CPSF3: variants seen among roughly 807,000 people sequenced by gnomAD.
CPSF3 encodes the protein cleavage and polyadenylation specific factor 3, also known as cleavage and polyadenylation specificity factor subunit 3.
Under a neutral mutation model 84.1 loss-of-function variants are expected in CPSF3, and 57 were observed. The ratio of observed to expected loss-of-function variants is 0.68; its 90% CI spans 0.55 to 0.85. The LOEUF (loss-of-function observed/expected upper bound fraction) is 0.85, where lower values mean the gene tolerates loss of function less well. Ranked by LOEUF, CPSF3 falls within the 40% of genes least tolerant of loss-of-function variation. The pLI is 0.00. For synonymous variants in CPSF3, 275 were observed against 278.1 expected (o/e 0.99, Z 0.11); for missense variants, 522 against 838.8 (o/e 0.62, Z 4.66).
At position 9,448,351 on chromosome 2, in the gene CPSF3, G is replaced by A. The variant is rs1278237014; in HGVS notation, c.1395+1G>A. 4.3e-6 allele frequency: 7 copies of A among 1,609,494 alleles called. No homozygotes were observed. Among genetic ancestry groups the A allele is most frequent in the Non-Finnish European group, 5.1e-6 (6 of 1,177,666 alleles). On this transcript the variant is annotated splice_donor_variant, in intron 11 of 17. Coordinates refer to ENST00000238112, the MANE Select transcript of CPSF3 (RefSeq NM_016207.4). LOFTEE classifies it high-confidence loss of function. ...CTTCAGAGGAGAAAAACTAGCCAAG[G>A]TAAAAGGTTATGGTTCCTGTCTGTC...
intron 15 of CPSF3, among the ~76,000 whole-genome samples, chr2:9,466,342 G>GAC (rs56758438): frequency 1.2e-3 from 110 of 89,176 alleles, no homozygotes; most frequent in African/African-American, 3.1e-3. Context: ...ACGCACACAC[G>GAC]CGCGCGCGCG....
chr2:9,469,441 CAAG>C lies in CPSF3; in HGVS notation c.1856+1668_1856+1670del, dbSNP rs1280544487. ...GGCGGCCCTGTTCCCTGGGGCTCTA[CAAG>C]AATAGAAAACCCGTGTGGCCCTGGA... is the stretch of plus-strand genomic sequence containing the variant. On this transcript the variant is annotated intron_variant, in intron 16 of 17. Transcript: ENST00000238112. Among the ~76,000 whole-genome samples, 6 of 152,268 alleles carry C rather than the reference CAAG, an allele frequency of 3.9e-5. No homozygotes were observed. The South Asian group carries it at 1.2e-3, about 32-fold the overall frequency.
intron 15 of CPSF3, among the ~76,000 whole-genome samples, chr2:9,467,031 A>G (rs1447233273): frequency 6.6e-6 from 1 of 152,220 alleles, no homozygotes; most frequent in African/African-American, 2.4e-5. Context: ...ACCTAGGAGT[A>G]GAATTACTAG....
Position 9,472,996 on chromosome 2 carries a change from G to A in CPSF3, c.2034G>A (p.Glu678=), listed in dbSNP as rs761872236. The change falls in exon 18 of 18, where the codon GAG becomes GAA. Residue 678 remains glutamate (E), a synonymous_variant. Transcript: ENST00000238112. ...AGCTGGCTGCACAGAGACTGTACGAGGCCCTGACGCCAGTTCACTGAGACT... is the reference window on the plus strand; with the variant it reads ...AGCTGGCTGCACAGAGACTGTACGAAGCCCTGACGCCAGTTCACTGAGACT... ...MVELAAQRLY[E]ALTPVH 1.2e-6 allele frequency: 2 copies of A among 1,613,442 alleles called. No individual in the cohort carries two copies. The highest frequency in any genetic ancestry group is 3.3e-5 in the Admixed American group (2 of 59,978).
intron 3 of CPSF3, 54 bp downstream of exon 3, chr2:9,430,074 T>C: frequency 9.4e-7 from 1 of 1,058,690 alleles, no homozygotes. Flanking sequence ...ACTATCAAGA[T>C]CATTCTTTAC....
At chr2:9,466,332 A>ATG (rs1681952717) in intron 15 of CPSF3, among the ~76,000 whole-genome samples, 1 of 120,556 alleles carries the variant, frequency 8.3e-6, no homozygotes, top group Non-Finnish European at 1.8e-5. Flanking sequence ...ACACAGACGC[A>ATG]CGCACACACG....
intron 16 of CPSF3, among the ~76,000 whole-genome samples, chr2:9,469,083 G>A (rs1682073811): frequency 6.6e-6 from 1 of 152,136 alleles, no homozygotes. Flanking sequence ...AACAGTGCAG[G>A]CACAGTGATT....
intron 11 of CPSF3, among the ~76,000 whole-genome samples, chr2:9,449,166 G>A (rs920250839): frequency 6.6e-6 from 1 of 150,972 alleles, no homozygotes; most frequent in Non-Finnish European, 1.5e-5. Flanking sequence ...ATCACTTGAG[G>A]TCAGGAGTTG....
At chr2:9,450,130 T>G (rs1681264486) in intron 11 of CPSF3, among the ~76,000 whole-genome samples, 1 of 149,250 alleles carries the variant, frequency 6.7e-6, no homozygotes, top group Non-Finnish European at 1.5e-5. Context: ...CCCAAGTAGC[T>G]AGGACTACAG....
chr2:9,463,688 C>T (rs937016930), intron 15 of CPSF3, among the ~76,000 whole-genome samples: 5 of 152,192 alleles, frequency 3.3e-5, no homozygotes, highest in African/African-American at 4.8e-5. Flanking sequence ...TATTATTTAT[C>T]GAACTGACTT....
At chr2:9,466,383 CACACACGCG>C (rs1681973977) in intron 15 of CPSF3, among the ~76,000 whole-genome samples, 1 of 79,488 alleles carries the variant, frequency 1.3e-5, no homozygotes, top group Non-Finnish European at 3.9e-5. Context: ...CACGCACTCG[CACACACGCG>C]CACACACACG....
At chr2:9,458,731 A>G (rs2124854752) in intron 14 of CPSF3, among the ~76,000 whole-genome samples, 1 of 152,210 alleles carries the variant, frequency 6.6e-6, no homozygotes, top group African/African-American at 2.4e-5. Flanking sequence ...TTTTGTTCCT[A>G]GGGTAAACAT....
At chr2:9,440,716 T>G in intron 8 of CPSF3, 50 bp downstream of exon 8, 3 of 1,589,028 alleles carry the variant, frequency 1.9e-6, no homozygotes, top group Non-Finnish European at 2.6e-6. Context: ...AAATCAGTCA[T>G]TAGTAGTAGG....
Position 9,441,882 on chromosome 2 carries a change from G to A in CPSF3, c.1001G>A (p.Ser334Asn), listed in dbSNP as rs1267089343. The A allele has an allele frequency of 1.2e-6, 2 of 1,614,184 alleles. No individual in the cohort carries two copies. Among genetic ancestry groups the A allele is most frequent in the Non-Finnish European group, 8.5e-7 (1 of 1,180,028 alleles). ...VVMASPGMMQ[S>N]GLSRELFESW... The stretch of plus-strand genomic sequence containing the variant: ...ATGGCCTCCCCAGGCATGATGCAAA[G>A]TGGCTTATCCAGAGAATTATTTGAA... The change falls in exon 9 of 18, where the codon AGT (serine) becomes AAT (asparagine). Residue 334 changes from serine (S) to asparagine (N), a missense_variant. Transcript: ENST00000238112.
intron 7 of CPSF3, among the ~76,000 whole-genome samples, chr2:9,438,590 A>G (rs1342559403): frequency 6.8e-6 from 1 of 146,118 alleles, no homozygotes; most frequent in Non-Finnish European, 1.5e-5. Flanking sequence ...ATCTCGGCTC[A>G]CCACAACGTC....
chr2:9,461,269 A>G (rs1346927101), intron 15 of CPSF3, among the ~76,000 whole-genome samples: 2 of 152,240 alleles, frequency 1.3e-5, no homozygotes, highest in East Asian at 1.9e-4. Flanking sequence ...ACGCATTTAT[A>G]TAAGCCACAG....
Position 9,450,445 on chromosome 2 carries a change from G to A in CPSF3, c.1395+2095G>A, listed in dbSNP as rs567443889. On this transcript the variant is annotated intron_variant, in intron 11 of 17. Coordinates refer to ENST00000238112, the MANE Select transcript of CPSF3 (RefSeq NM_016207.4). ...GCTGGGATTACAGGCGTGACCCACC[G>A]TGCCCAGTCTGAGGCTCAAACTTTT... Among the ~76,000 whole-genome samples, 28 of 150,300 alleles carry A rather than the reference G, an allele frequency of 1.9e-4. 1 individual carries two copies. In the East Asian group the frequency reaches 2.3e-3, roughly 12 times the overall value.
At chr2:9,445,657 C>T (rs770908384) in intron 10 of CPSF3, among the ~76,000 whole-genome samples, 9 of 152,094 alleles carry the variant, frequency 5.9e-5, no homozygotes, top group Non-Finnish European at 1.2e-4. Flanking sequence ...CATGAACACT[C>T]CCCCAGATTT....
chr2:9,431,006 A>G, intron 4 of CPSF3, 126 bp downstream of exon 4: 2 of 687,586 alleles, frequency 2.9e-6, no homozygotes, highest in Non-Finnish European at 4.9e-6. Context: ...CAGTAATTTC[A>G]TCATTCATTA....
Sources: gnomAD v4.1 joint callset for allele counts (sites outside exome capture counted in the v4.1 genomes callset) on GRCh38, gnomAD v4.1.1 for gene constraint, MANE v1.5 for transcripts, NCBI Gene and HGNC (gene_info 2026-07-23, HGNC 2026-07-21) for gene names.